Variants in PRKN observed in about 807,000 individuals in gnomAD.
PRKN encodes E3 ubiquitin-protein ligase parkin.
PRKN carries 56 observed loss-of-function variants against 59.5 expected under a neutral mutation model. The ratio of observed to expected loss-of-function variants is 0.94; its 90% CI spans 0.76 to 1.18. The LOEUF (loss-of-function observed/expected upper bound fraction) is 1.18. PRKN is among the 50% of genes most tolerant of loss of function. The pLI is 0.00. For synonymous variants in PRKN, 250 were observed against 222.1 expected, an observed-to-expected ratio of 1.13 and a Z score of -1.12; for missense variants, 657 against 596.4, an observed-to-expected ratio of 1.10 and a Z score of -1.06.
At chr6:162,103,521 C>T (rs1367054130) in intron 4 of PRKN, among the ~76,000 whole-genome samples, 1 of 151,746 alleles carries the variant, frequency 6.6e-6, no homozygotes, top group Non-Finnish European at 1.5e-5. Context: ...ACAGAGTAAA[C>T]CAGGAATGGA....
At chr6:162,405,538 C>T (rs978922928) in intron 2 of PRKN, among the ~76,000 whole-genome samples, 3 of 152,140 alleles carry the variant, frequency 2.0e-5, no homozygotes, top group East Asian at 1.9e-4. Context: ...TGAAGTGAAC[C>T]GTGTCACCCC....
intron 7 of PRKN, among the ~76,000 whole-genome samples, chr6:161,722,286 A>G (rs931555676): frequency 1.3e-5 from 2 of 152,162 alleles, no homozygotes; most frequent in Non-Finnish European, 2.9e-5. Context: ...ATTGATTTTT[A>G]CGTAACTGGA....
At chr6:161,536,694 G>T (rs192000003) in intron 9 of PRKN, among the ~76,000 whole-genome samples, 2 of 152,290 alleles carry the variant, frequency 1.3e-5, no homozygotes, top group East Asian at 3.9e-4. Context: ...TGTCCCTGCA[G>T]ATTTCTGATT....
rs1302700751 is a variant in PRKN at position 161,442,285 on chromosome 6, C to T, written c.1084-55408G>A. Among the ~76,000 whole-genome samples the T allele has an allele frequency of 6.6e-6, 1 of 152,180 alleles. No homozygotes were observed. Among genetic ancestry groups the T allele is most frequent in the East Asian group, 1.9e-4 (1 of 5,196 alleles). Reference sequence around the variant, plus strand: ...AGTCAGTACAGAGCCATTGAAGGGGCTTTCCACCTCCTACGATAAGTAAAA... The same window carrying T: ...AGTCAGTACAGAGCCATTGAAGGGGTTTTCCACCTCCTACGATAAGTAAAA... On this transcript the variant is annotated intron_variant, in intron 9 of 11. Transcript: ENST00000366898. This position sits in a 1 kb window ranked among gnomAD's most constrained non-coding sequence, Gnocchi z 4.6.
chr6:161,717,862 T>C (rs1242746255), intron 7 of PRKN, among the ~76,000 whole-genome samples: 1 of 152,152 alleles, frequency 6.6e-6, no homozygotes, highest in African/African-American at 2.4e-5. Flanking sequence ...GCTGTGCTCA[T>C]GCAGGCAGCT....
intron 6 of PRKN, among the ~76,000 whole-genome samples, chr6:161,786,854 C>G (rs938659430): frequency 6.6e-6 from 1 of 151,730 alleles, no homozygotes; most frequent in African/African-American, 2.4e-5. Context: ...TATGGGATTA[C>G]TAATTAATCA....
At chr6:161,821,040 G>T (rs1323394964) in intron 6 of PRKN, among the ~76,000 whole-genome samples, 1 of 151,850 alleles carries the variant, frequency 6.6e-6, no homozygotes, top group Non-Finnish European at 1.5e-5. Context: ...CTAAAAAATG[G>T]ACAAAAAGCC....
chr6:162,175,052 A>G (rs1234438770), intron 4 of PRKN, among the ~76,000 whole-genome samples: 1 of 152,200 alleles, frequency 6.6e-6, no homozygotes, highest in Admixed American at 6.5e-5. Flanking sequence ...AGAAAGTTTA[A>G]TTCAAACTTA....
In PRKN at chr6:161,451,882, T is replaced by C. The variant is rs910411387; in HGVS notation, c.1084-65005A>G. Among the ~76,000 whole-genome samples, 1 of 152,212 alleles carries C rather than the reference T, an allele frequency of 6.6e-6. No individual in the cohort carries two copies. The highest frequency in any genetic ancestry group is 1.5e-5 in the Non-Finnish European group (1 of 68,030). ...GAAAAATGGTGTCACCTTTAAACGTTGTAAACTACATTTATAAATTTAAGA... is the reference window on the plus strand; with the variant it reads ...GAAAAATGGTGTCACCTTTAAACGTCGTAAACTACATTTATAAATTTAAGA... On this transcript the variant is annotated intron_variant, in intron 9 of 11. Transcript: ENST00000366898. The surrounding 1 kb of genome is among the most constrained non-coding windows in gnomAD (Gnocchi z 5.9).
chr6:161,869,735 T>TGTC (rs1235170689), intron 6 of PRKN, among the ~76,000 whole-genome samples: 1 of 152,176 alleles, frequency 6.6e-6, no homozygotes, highest in Non-Finnish European at 1.5e-5. Flanking sequence ...GCTCTTCAGC[T>TGTC]GTCTTCTCCC....
intron 6 of PRKN, among the ~76,000 whole-genome samples, chr6:161,947,220 T>G (rs1357702895): frequency 6.6e-6 from 1 of 152,174 alleles, no homozygotes; most frequent in Non-Finnish European, 1.5e-5. Flanking sequence ...TGTAGAAAGA[T>G]TCAGAACAAT....
Position 162,611,481 on chromosome 6 carries a change from G to C in PRKN, c.7+116181C>G, listed in dbSNP as rs141794921. On this transcript the variant is annotated intron_variant, in intron 1 of 11. Coordinates refer to ENST00000366898, the MANE Select transcript of PRKN (RefSeq NM_004562.3). The stretch of plus-strand genomic sequence containing the variant: ...AATCAACAGCTTATAACCATTCACA[G>C]AGTAAATATTATCACAGGTGTATCA... 4.7e-4 allele frequency among the ~76,000 whole-genome samples: 72 copies of C among 152,288 alleles called. No individual in the cohort carries two copies. In the East Asian group the frequency reaches 0.014, roughly 29 times the overall value.
At chr6:161,394,952 AT>A (rs1298150268) in intron 9 of PRKN, among the ~76,000 whole-genome samples, 1 of 152,138 alleles carries the variant, frequency 6.6e-6, no homozygotes, top group Non-Finnish European at 1.5e-5. Context: ...TTGGCCATTT[AT>A]TTTTTTCTTT....
At chr6:161,834,846 G>A (rs1792678792) in intron 6 of PRKN, among the ~76,000 whole-genome samples, 1 of 152,198 alleles carries the variant, frequency 6.6e-6, no homozygotes, top group Admixed American at 6.5e-5. Context: ...AGTTTGCCTT[G>A]TTGTACCATT....
intron 4 of PRKN, among the ~76,000 whole-genome samples, chr6:162,178,054 C>A (rs995998672): frequency 6.6e-6 from 1 of 152,156 alleles, no homozygotes; most frequent in Non-Finnish European, 1.5e-5. Flanking sequence ...CCCCTGTAGG[C>A]TAAGGAGGCA....
Position 161,459,039 on chromosome 6 carries a change from A to C in PRKN, c.1084-72162T>G, listed in dbSNP as rs1238424638. Among the ~76,000 whole-genome samples the C allele has an allele frequency of 1.3e-5, 2 of 152,186 alleles. No individual in the cohort carries two copies. The highest frequency in any genetic ancestry group is 6.5e-5 in the Admixed American group (1 of 15,280). On this transcript the variant is annotated intron_variant, in intron 9 of 11. Coordinates refer to ENST00000366898, the MANE Select transcript of PRKN (RefSeq NM_004562.3). The surrounding 1 kb of genome is among the most constrained non-coding windows in gnomAD (Gnocchi z 4.8). ...CAGGAGGGATTTTAAGGCAAGGCTG[A>C]GCTTTCTAAAGCTACAAGCACTTCC...
At chr6:162,508,185 A>C (rs1487823952) in intron 1 of PRKN, among the ~76,000 whole-genome samples, 1 of 152,156 alleles carries the variant, frequency 6.6e-6, no homozygotes, top group Non-Finnish European at 1.5e-5. Flanking sequence ...AATCCCTGAT[A>C]AACCCATTAG....
chr6:162,520,825 G>C (rs544344840), intron 1 of PRKN, among the ~76,000 whole-genome samples: 2 of 151,990 alleles, frequency 1.3e-5, no homozygotes, highest in East Asian at 3.9e-4. Flanking sequence ...AAGAGTGTCA[G>C]AATTATTCTG....
At chr6:162,038,559 G>A (rs973637389) in intron 5 of PRKN, among the ~76,000 whole-genome samples, 3 of 152,158 alleles carry the variant, frequency 2.0e-5, no homozygotes, top group Admixed American at 6.6e-5. Flanking sequence ...CAGCCTGTAA[G>A]TATCATAACA....
Sources: allele counts gnomAD v4.1 joint callset (sites outside exome capture counted in the v4.1 genomes callset), GRCh38; gene constraint gnomAD v4.1.1; non-coding constraint Gnocchi (gnomAD v3.1); transcripts MANE v1.5; gene names NCBI Gene and HGNC (gene_info 2026-07-23, HGNC 2026-07-21).